Variants in ZFX observed in about 807,000 individuals in gnomAD.
The protein encoded by ZFX is zinc finger protein X-linked.
For synonymous variants in ZFX, 196 were observed against 226.8 expected, an observed-to-expected ratio of 0.86 and a Z score of 1.22; for missense variants, 362 against 628.3, an observed-to-expected ratio of 0.58 and a Z score of 4.53.
At chrX:24,156,496 T>C (rs1048494508) in intron 3 of ZFX, among the ~76,000 whole-genome samples, 1 of 111,505 alleles carries the variant, frequency 9.0e-6, no homozygotes, top group African/African-American at 3.3e-5. Flanking sequence ...ATCTTTTTCA[T>C]GTGGATTTAT....
chrX:24,164,127 C>G (rs778320496), intron 3 of ZFX, among the ~76,000 whole-genome samples: 8 of 110,377 alleles, frequency 7.2e-5, no homozygotes, highest in Non-Finnish European at 1.5e-4. Flanking sequence ...TTAGCTGGCT[C>G]CCTAGCTTTG....
chrX:24,171,885 C>T (rs1226605087), intron 3 of ZFX, among the ~76,000 whole-genome samples: 1 of 96,182 alleles, frequency 1.0e-5, no homozygotes, highest in Non-Finnish European at 2.0e-5. Context: ...TATGTTCCAG[C>T]CACCAGGACA....
In ZFX at chrX:24,211,527, A is replaced by C. The variant is rs748731969; in HGVS notation, c.*151A>C. 5.7e-6 allele frequency: 4 copies of C among 703,594 alleles called. No individual in the cohort carries two copies. The Admixed American group carries it at 1.6e-4, about 28-fold the overall frequency. 58.0% of individuals were successfully genotyped at this position (703,594 alleles called of 1,213,427 possible). Reference sequence around the variant, plus strand: ...ACTTCTAGTTGACTTTTTTTTAAATATACATTTTGCTCAGTAGTGTGTTCT... The same window carrying C: ...ACTTCTAGTTGACTTTTTTTTAAATCTACATTTTGCTCAGTAGTGTGTTCT... On this transcript the variant is annotated 3_prime_UTR_variant, in exon 10 of 10. Transcript: ENST00000304543.
intron 2 of ZFX, among the ~76,000 whole-genome samples, 184 bp from the exon 3 acceptor site, chrX:24,152,536 A>G (rs773955490): frequency 3.6e-5 from 4 of 111,652 alleles, no homozygotes; most frequent in Admixed American, 9.6e-5. Flanking sequence ...GCGGTGCTCC[A>G]TGAAAGGGCT....
At chrX:24,206,541 G>A (rs1268586927) in intron 5 of ZFX, among the ~76,000 whole-genome samples, 22 of 87,815 alleles carry the variant, frequency 2.5e-4, no homozygotes, top group African/African-American at 3.4e-4. Context: ...GTGTGTGTGT[G>A]TGTGTGTGTA....
At chrX:24,169,859 G>C (rs1013249782) in intron 3 of ZFX, among the ~76,000 whole-genome samples, 1 of 111,011 alleles carries the variant, frequency 9.0e-6, no homozygotes, top group Non-Finnish European at 1.9e-5. Context: ...CCGCAGTAAG[G>C]GGTGAGGGGA....
intron 4 of ZFX, chrX:24,178,003 C>A: frequency 4.2e-6 from 1 of 235,936 alleles, no homozygotes; most frequent in Non-Finnish European, 6.0e-6. Context: ...ACGATCTCGG[C>A]TCACTGCAAG....
At position 24,187,302 on chromosome X, in the gene ZFX, G is replaced by A. The variant is rs1569151184; in HGVS notation, c.646+7532G>A. ...GTGTCCACTCTTAATTCTCTTATTG[G>A]CCCCCCCTTTCTCTCTCTGTGTCTC... On this transcript the variant is annotated intron_variant, in intron 5 of 9. Coordinates refer to ENST00000304543, the MANE Select transcript of ZFX (RefSeq NM_003410.4). 2.7e-5 allele frequency among the ~76,000 whole-genome samples: 3 copies of A among 110,671 alleles called. No individual in the cohort carries two copies. In the South Asian group the frequency reaches 1.2e-3, roughly 43 times the overall value.
intron 9 of ZFX, among the ~76,000 whole-genome samples, chrX:24,209,449 G>A (rs186972185): frequency 8.0e-5 from 9 of 112,382 alleles, no homozygotes; most frequent in South Asian, 7.3e-4. Context: ...GATGATTTGC[G>A]TATTAAAAAT....
intron 3 of ZFX, among the ~76,000 whole-genome samples, chrX:24,167,569 C>T (rs1187982560): frequency 9.0e-6 from 1 of 110,677 alleles, no homozygotes; most frequent in Non-Finnish European, 1.9e-5. Context: ...GGGAAGATAC[C>T]GTGTCCACCC....
rs1476067730 is a variant in ZFX at position 24,214,225 on chromosome X, CATAAT to C, written c.*2854_*2858del. ...AAAGAGGTACAGATTTTTACAAGGA[CATAAT>C]ATAAGTTATTGTTCTGTAGAAATAT... On this transcript the variant is annotated 3_prime_UTR_variant, in exon 10 of 10. Transcript: ENST00000304543. 2.7e-5 allele frequency: 3 copies of C among 111,508 alleles called. No individual in the cohort carries two copies. The highest frequency in any genetic ancestry group is 5.7e-5 in the Non-Finnish European group (3 of 52,943). 9.2% of individuals were successfully genotyped at this position (111,508 alleles called of 1,213,427 possible).
intron 5 of ZFX, among the ~76,000 whole-genome samples, chrX:24,198,178 A>G (rs1252101389): frequency 3.6e-5 from 4 of 111,891 alleles, no homozygotes; most frequent in African/African-American, 1.3e-4. Flanking sequence ...TTATAGGCAA[A>G]ATATGGATGC....
chrX:24,160,021 C>G (rs926277417), intron 3 of ZFX, among the ~76,000 whole-genome samples: 2 of 108,809 alleles, frequency 1.8e-5, no homozygotes, highest in African/African-American at 6.6e-5. Context: ...TTTTAAAAAC[C>G]TAATTTTGTT....
At chrX:24,180,145 T>C (rs1030738689) in intron 5 of ZFX, among the ~76,000 whole-genome samples, 21 of 109,116 alleles carry the variant, frequency 1.9e-4, no homozygotes, top group Admixed American at 1.7e-3. Context: ...GGCAGGAGAA[T>C]CGCTTGAACC....
At chrX:24,188,897 G>T (rs1256189008) in intron 5 of ZFX, among the ~76,000 whole-genome samples, 2 of 111,479 alleles carry the variant, frequency 1.8e-5, no homozygotes, top group Admixed American at 1.9e-4. Flanking sequence ...GAGTGCAGTG[G>T]TGCGATCTCT....
intron 3 of ZFX, among the ~76,000 whole-genome samples, chrX:24,153,317 C>T (rs999211431): frequency 9.0e-6 from 1 of 111,461 alleles, no homozygotes; most frequent in Non-Finnish European, 1.9e-5. Flanking sequence ...CTCCCTTCCC[C>T]TTCATGCCTT....
chrX:24,199,955 G>A (rs184137735), intron 5 of ZFX, among the ~76,000 whole-genome samples: 2,802 of 110,523 alleles, frequency 0.025, 53 homozygotes, highest in Non-Finnish European at 0.04. Context: ...TTTAAGCAGG[G>A]GAGAAAGAAT....
chrX:24,209,917 TC>T (rs1267216932), intron 9 of ZFX, among the ~76,000 whole-genome samples: 1 of 112,265 alleles, frequency 8.9e-6, no homozygotes, highest in East Asian at 2.8e-4. Context: ...GTAGGTTTAA[TC>T]ACTAATTGAT....
chrX:24,160,365 C>T (rs1933157706), intron 3 of ZFX, among the ~76,000 whole-genome samples: 1 of 102,056 alleles, frequency 9.8e-6, no homozygotes, highest in Non-Finnish European at 2.0e-5. Flanking sequence ...GTGGCGCACT[C>T]TCGGCTCACT....
Sources: gnomAD v4.1 joint callset for allele counts (sites outside exome capture counted in the v4.1 genomes callset) on GRCh38, gnomAD v4.1.1 for gene constraint, MANE v1.5 for transcripts, NCBI Gene and HGNC (gene_info 2026-07-23, HGNC 2026-07-21) for gene names.